CNTN3: variants seen among roughly 807,000 people sequenced by gnomAD.
The protein encoded by CNTN3 is contactin-3.
A neutral mutation model predicts 119.1 loss-of-function variants in CNTN3; 60 were observed. That is an observed-to-expected ratio of 0.50 (90% confidence interval 0.41 to 0.62). The LOEUF (loss-of-function observed/expected upper bound fraction) is 0.62. CNTN3 is among the 20% of genes least tolerant of loss of function. CNTN3 has a pLI of 0.00. For missense variants in CNTN3, 1,101 were observed against 1,242.4 expected (o/e 0.89, Z 1.71); for synonymous variants, 450 against 438.7 (o/e 1.03, Z -0.32).
At chr3:74,285,630 G>C in intron 19 of CNTN3, 139 bp from the exon 20 acceptor site, 1 of 792,910 alleles carries the variant, frequency 1.3e-6, no homozygotes, top group Non-Finnish European at 2.0e-6. Flanking sequence ...TATGTGCTAG[G>C]TGCTGCATTA....
intron 1 of CNTN3, among the ~76,000 whole-genome samples, chr3:74,592,783 C>T (rs1704727596): frequency 6.6e-6 from 1 of 151,868 alleles, no homozygotes; most frequent in Non-Finnish European, 1.5e-5. Flanking sequence ...AAACCTTAAA[C>T]AAAACTTTAC....
At chr3:74,360,851 A>G (rs1704057955) in intron 11 of CNTN3, among the ~76,000 whole-genome samples, 1 of 152,024 alleles carries the variant, frequency 6.6e-6, no homozygotes, top group African/African-American at 2.4e-5. Flanking sequence ...TCTCTGACCA[A>G]TCCTTCTGCC....
chr3:74,364,408 G>C (rs939802696), intron 10 of CNTN3, 59 bp downstream of exon 10: 2 of 1,523,108 alleles, frequency 1.3e-6, no homozygotes, highest in African/African-American at 2.8e-5. Context: ...ACTGCTTCTG[G>C]AAACAATGAA....
chr3:74,314,812 C>G (rs1044447125), intron 13 of CNTN3, among the ~76,000 whole-genome samples: 2 of 152,134 alleles, frequency 1.3e-5, no homozygotes, highest in African/African-American at 4.8e-5. Flanking sequence ...TAATGGACAT[C>G]TATAGACTAC....
At chr3:74,520,156 A>G (rs1703518914) in intron 2 of CNTN3, among the ~76,000 whole-genome samples, 1 of 149,654 alleles carries the variant, frequency 6.7e-6, no homozygotes. Flanking sequence ...GTGGTCTTCT[A>G]AGGAGATGAG....
At chr3:74,590,630 G>A (rs1704685750) in intron 1 of CNTN3, among the ~76,000 whole-genome samples, 1 of 152,050 alleles carries the variant, frequency 6.6e-6, no homozygotes, top group Admixed American at 6.6e-5. Flanking sequence ...GGGGCTAGAT[G>A]TCCTGCAATG....
At chr3:74,308,126 C>T (rs1444386538) in intron 13 of CNTN3, among the ~76,000 whole-genome samples, 15 of 152,156 alleles carry the variant, frequency 9.9e-5, no homozygotes, top group East Asian at 1.9e-4. Flanking sequence ...GGTGGTGACA[C>T]GGCCCACCTC....
chr3:74,371,100 T>G, intron 6 of CNTN3, 96 bp downstream of exon 6: 1 of 825,040 alleles, frequency 1.2e-6, no homozygotes, highest in South Asian at 1.7e-5. Context: ...GAAGTGACAA[T>G]TCTTCTAGAT....
At chr3:74,306,887 T>A in intron 13 of CNTN3, among the ~76,000 whole-genome samples, 1 of 152,154 alleles carries the variant, frequency 6.6e-6, no homozygotes, top group Non-Finnish European at 1.5e-5. Context: ...AAACAGTCCT[T>A]ATGTTCATAG....
chr3:74,410,979 C>T (rs1381866352), intron 5 of CNTN3, among the ~76,000 whole-genome samples: 1 of 152,088 alleles, frequency 6.6e-6, no homozygotes, highest in African/African-American at 2.4e-5. Flanking sequence ...AGGCAACTGA[C>T]TCTACTTACT....
intron 1 of CNTN3, among the ~76,000 whole-genome samples, chr3:74,589,544 T>G (rs1460726687): frequency 2.1e-5 from 3 of 144,388 alleles, no homozygotes; most frequent in East Asian, 4.1e-4. Flanking sequence ...TGGAAGTCAG[T>G]GTGGCGATTC....
In CNTN3 at chr3:74,608,357, G is replaced by A. The variant is rs1469226983; in HGVS notation, c.-81+6034C>T. On this transcript the variant is annotated intron_variant, in intron 1 of 22. Transcript: ENST00000263665. ...CCCCCATTTATAAGTAATTATTTAT[G>A]GTTTAGGAAGATGTGCTTTTGATTT... Among the ~76,000 whole-genome samples, 6 of 152,096 alleles carry A rather than the reference G, an allele frequency of 3.9e-5. No individual in the cohort carries two copies. In the East Asian group the frequency reaches 1.2e-3, roughly 29 times the overall value.
At chr3:74,594,273 CTTTT>C (rs59436860) in intron 1 of CNTN3, among the ~76,000 whole-genome samples, 2,706 of 112,080 alleles carry the variant, frequency 0.024, 79 homozygotes, top group African/African-American at 0.076. Context: ...TTCTTTTTTT[CTTTT>C]TTTTTTTTTT....
chr3:74,388,916 T>C (rs1276588572), intron 5 of CNTN3, among the ~76,000 whole-genome samples: 3 of 152,212 alleles, frequency 2.0e-5, no homozygotes, highest in African/African-American at 7.2e-5. Flanking sequence ...TTTCATTTGA[T>C]TATTAAAGTT....
chr3:74,557,233 T>A (rs1053036072), intron 1 of CNTN3, among the ~76,000 whole-genome samples: 2 of 152,246 alleles, frequency 1.3e-5, no homozygotes, highest in Non-Finnish European at 2.9e-5. Context: ...TGAAGATTTA[T>A]ATTTACATTT....
intron 2 of CNTN3, among the ~76,000 whole-genome samples, chr3:74,503,922 C>A (rs2107087348): frequency 6.6e-6 from 1 of 152,196 alleles, no homozygotes; most frequent in Non-Finnish European, 1.5e-5. Flanking sequence ...CTAACACCTA[C>A]AGGCAACAAG....
At chr3:74,393,763 C>T (rs1704975898) in intron 5 of CNTN3, among the ~76,000 whole-genome samples, 1 of 152,222 alleles carries the variant, frequency 6.6e-6, no homozygotes, top group Non-Finnish European at 1.5e-5. Flanking sequence ...AAATCCACCA[C>T]AGTGTGCCAA....
At chr3:74,296,945 A>T (rs530165262) in intron 18 of CNTN3, among the ~76,000 whole-genome samples, 1 of 151,966 alleles carries the variant, frequency 6.6e-6, no homozygotes, top group African/African-American at 2.4e-5. Flanking sequence ...ATTTTGCATA[A>T]TTCTTTTACC....
intron 1 of CNTN3, among the ~76,000 whole-genome samples, chr3:74,593,647 A>G (rs1355786292): frequency 2.0e-5 from 3 of 151,974 alleles, no homozygotes; most frequent in Non-Finnish European, 4.4e-5. Flanking sequence ...CAGGTTGATT[A>G]TACAGATGAG....
Sources: allele counts gnomAD v4.1 joint callset (sites outside exome capture counted in the v4.1 genomes callset), GRCh38; gene constraint gnomAD v4.1.1; transcripts MANE v1.5; gene names NCBI Gene and HGNC (gene_info 2026-07-23, HGNC 2026-07-21).